Variants in SVIL observed in about 807,000 individuals in gnomAD.
SVIL encodes archvillin.
Under a neutral mutation model 240.4 loss-of-function variants are expected in SVIL, and 101 were observed. The ratio of observed to expected loss-of-function variants is 0.42; its 90% CI spans 0.36 to 0.50. The LOEUF (loss-of-function observed/expected upper bound fraction) is 0.50. Among genes scored for constraint, SVIL ranks in the 20% least tolerant of loss-of-function variants. The pLI, the probability that SVIL is intolerant of heterozygous loss-of-function variation, is 0.01. For synonymous variants in SVIL, 999 were observed against 1,100.0 expected (o/e 0.91, Z 1.82); for missense variants, 2,512 against 2,818.7 (o/e 0.89, Z 2.46).
At chr10:29,461,740 CCT>C (rs1405206314) in intron 36 of SVIL, among the ~76,000 whole-genome samples, 3 of 152,120 alleles carry the variant, frequency 2.0e-5, no homozygotes, top group Non-Finnish European at 2.9e-5. Flanking sequence ...ATGATAAATG[CCT>C]CATGCAGAAA....
At chr10:29,714,598 C>T (rs1035996945) in intron 1 of SVIL, among the ~76,000 whole-genome samples, 1 of 152,114 alleles carries the variant, frequency 6.6e-6, no homozygotes, top group East Asian at 1.9e-4. Context: ...TCTGAACATG[C>T]AGCAGTGTAC....
In SVIL at chr10:29,458,991, A is replaced by ATT. The variant is rs34388233; in HGVS notation, c.6403-404_6403-403dup. Among the ~76,000 whole-genome samples, 951 of 123,960 alleles carry ATT rather than the reference A, an allele frequency of 7.7e-3. 30 individuals carry two copies. The highest frequency in any genetic ancestry group is 0.06 in the Admixed American group (746 of 12,348). 81.3% of individuals were successfully genotyped at this position (123,960 alleles called of 152,430 possible). Reference sequence around the variant, plus strand: ...CTGGCTAATTTATTTTTCCTTTTCCATTTTTTTTTTTTTTTTTGTAGAGAC... The same window carrying ATT: ...CTGGCTAATTTATTTTTCCTTTTCCATTTTTTTTTTTTTTTTTTTGTAGAGAC... On this transcript the variant is annotated intron_variant, in intron 36 of 37. Coordinates refer to ENST00000355867, the MANE Select transcript of SVIL (RefSeq NM_021738.3).
intron 1 of SVIL, among the ~76,000 whole-genome samples, chr10:29,687,622 A>G (rs1213569312): frequency 1.3e-5 from 2 of 152,220 alleles, no homozygotes; most frequent in South Asian, 2.1e-4. Flanking sequence ...GCAGTTAGCC[A>G]AGATCGCGCC....
At chr10:29,703,593 C>A (rs1962676217) in intron 1 of SVIL, among the ~76,000 whole-genome samples, 1 of 152,234 alleles carries the variant, frequency 6.6e-6, no homozygotes, top group South Asian at 2.1e-4. Flanking sequence ...CTGGGGCCAG[C>A]AGACTCGTGG....
intron 1 of SVIL, among the ~76,000 whole-genome samples, chr10:29,622,988 C>T (rs565409560): frequency 6.6e-6 from 1 of 152,100 alleles, no homozygotes; most frequent in African/African-American, 2.4e-5. Context: ...ACACAAAGAA[C>T]CTACAAAACT....
intron 3 of SVIL, among the ~76,000 whole-genome samples, chr10:29,655,802 T>C (rs1958981095): frequency 6.6e-6 from 1 of 152,086 alleles, no homozygotes; most frequent in African/African-American, 2.4e-5. Context: ...TAGCTGTGGG[T>C]TCTTCATAGA....
At chr10:29,698,905 A>C (rs1218455931) in intron 1 of SVIL, among the ~76,000 whole-genome samples, 1 of 152,178 alleles carries the variant, frequency 6.6e-6, no homozygotes, top group Non-Finnish European at 1.5e-5. Flanking sequence ...CTCTGCAGTG[A>C]ATCTCCCTCC....
chr10:29,654,649 C>T (rs1424283777), intron 3 of SVIL, among the ~76,000 whole-genome samples: 1 of 152,150 alleles, frequency 6.6e-6, no homozygotes, highest in African/African-American at 2.4e-5. Flanking sequence ...GAGGAATTGG[C>T]TCACAGGATA....
upstream of SVIL, among the ~76,000 whole-genome samples, chr10:29,638,907 A>G (rs1182877018): frequency 1.3e-5 from 2 of 152,196 alleles, no homozygotes; most frequent in Non-Finnish European, 2.9e-5. Context: ...CTCTGGAGAA[A>G]TAGCAAGAAA....
At chr10:29,713,497 A>G (rs1963429003) in intron 1 of SVIL, among the ~76,000 whole-genome samples, 1 of 152,152 alleles carries the variant, frequency 6.6e-6, no homozygotes, top group Non-Finnish European at 1.5e-5. Flanking sequence ...TTCATGAATC[A>G]CTTTGAAAAT....
chr10:29,524,215 C>G (rs1950744044), intron 14 of SVIL, among the ~76,000 whole-genome samples, 188 bp from the exon 15 acceptor site: 1 of 152,166 alleles, frequency 6.6e-6, no homozygotes, highest in South Asian at 2.1e-4. Flanking sequence ...GGGTGAAACA[C>G]AGTTGGGCAT....
intron 1 of SVIL, among the ~76,000 whole-genome samples, chr10:29,628,149 A>T (rs1005601798): frequency 2.0e-5 from 3 of 152,238 alleles, no homozygotes. Context: ...AAAATTCCTA[A>T]GAAAATTTAT....
chr10:29,536,768 G>A (rs368877791), intron 6 of SVIL, among the ~76,000 whole-genome samples: 2 of 151,954 alleles, frequency 1.3e-5, no homozygotes, highest in Admixed American at 6.6e-5. Flanking sequence ...AAAATTAGCC[G>A]GGTGTGGTAG....
chr10:29,543,312 G>A (rs1420586458), intron 6 of SVIL, among the ~76,000 whole-genome samples: 1 of 152,224 alleles, frequency 6.6e-6, no homozygotes, highest in Non-Finnish European at 1.5e-5. Context: ...ACATTTGTCA[G>A]TGGCCCTATT....
chr10:29,604,423 C>T (rs1166643480), intron 1 of SVIL, among the ~76,000 whole-genome samples: 4 of 138,000 alleles, frequency 2.9e-5, no homozygotes, highest in East Asian at 2.1e-4. Flanking sequence ...GGTTTTGCCA[C>T]GTTGGCCAGG....
At chr10:29,550,190 T>G (rs1953158735) in intron 6 of SVIL, among the ~76,000 whole-genome samples, 1 of 151,614 alleles carries the variant, frequency 6.6e-6, no homozygotes, top group African/African-American at 2.4e-5. Context: ...GTAATCCCAG[T>G]GCACTGGGAG....
At chr10:29,458,757 G>GT in intron 36 of SVIL, 168 bp from the exon 37 acceptor site, 1 of 595,862 alleles carries the variant, frequency 1.7e-6, no homozygotes, top group Non-Finnish European at 2.6e-6. Flanking sequence ...ATCGCCCAAA[G>GT]CCCTGCAGTT....
chr10:29,565,847 C>G lies in SVIL; in HGVS notation c.-142-2555G>C, dbSNP rs1954920352. 2.0e-5 allele frequency among the ~76,000 whole-genome samples: 3 copies of G among 152,102 alleles called. No homozygotes were observed. In the South Asian group the frequency reaches 6.2e-4, roughly 32 times the overall value. On this transcript the variant is annotated intron_variant, in intron 2 of 37. Coordinates refer to ENST00000355867, the MANE Select transcript of SVIL (RefSeq NM_021738.3). ...GTTTGAGGTTGCAGTGAGCTATGAT[C>G]ATTTCACTGTACTCCAGCCTGGGAG... is the stretch of plus-strand genomic sequence containing the variant.
At chr10:29,526,297 TTC>T (rs1950901972) in intron 13 of SVIL, among the ~76,000 whole-genome samples, 2 of 145,410 alleles carry the variant, frequency 1.4e-5, no homozygotes, top group Non-Finnish European at 3.0e-5. Flanking sequence ...CTTTCTTTTT[TTC>T]TCTTTCTTTT....
Sources: gnomAD v4.1 joint callset for allele counts (sites outside exome capture counted in the v4.1 genomes callset) on GRCh38, gnomAD v4.1.1 for gene constraint, MANE v1.5 for transcripts, NCBI Gene and HGNC (gene_info 2026-07-23, HGNC 2026-07-21) for gene names.